Variants in DACH2 observed in about 807,000 individuals in gnomAD.
DACH2 encodes the protein dachshund family transcription factor 2.
DACH2 carries 17 observed loss-of-function variants against 35.8 expected under a neutral mutation model. The observed-to-expected ratio is 0.48, with a 90% confidence interval of 0.33 to 0.71. The LOEUF (loss-of-function observed/expected upper bound fraction) is 0.71. Ranked by LOEUF, DACH2 falls within the 30% of genes least tolerant of loss-of-function variation. The probability of loss-of-function intolerance (pLI) is 0.02; values close to 1 mark genes in which losing one functional copy is unlikely to be tolerated. For missense variants in DACH2, 469 were observed against 472.7 expected (o/e 0.99, Z 0.07); for synonymous variants, 195 against 177.3 (o/e 1.10, Z -0.79).
At chrX:86,318,202 G>A (rs958712471) in intron 1 of DACH2, among the ~76,000 whole-genome samples, 13 of 111,764 alleles carry the variant, frequency 1.2e-4, no homozygotes, top group African/African-American at 3.9e-4. Flanking sequence ...GCTGTAGTTA[G>A]CTCAAGACAG....
intron 6 of DACH2, among the ~76,000 whole-genome samples, chrX:86,730,274 G>A (rs776888276): frequency 1.7e-4 from 19 of 111,747 alleles, no homozygotes; most frequent in Admixed American, 3.8e-4. Flanking sequence ...CTTATTTCTA[G>A]CATTTAGCAT....
intron 2 of DACH2, among the ~76,000 whole-genome samples, chrX:86,396,769 C>G (rs2036303092): frequency 9.0e-6 from 1 of 111,205 alleles, no homozygotes. Flanking sequence ...GGTACCAGTA[C>G]CATACTGTTT....
At chrX:86,761,993 G>A (rs1456089434) in intron 7 of DACH2, among the ~76,000 whole-genome samples, 1 of 110,510 alleles carries the variant, frequency 9.0e-6, no homozygotes, top group Non-Finnish European at 1.9e-5. Flanking sequence ...TGCACGGTCT[G>A]GTCTATTCGA....
chrX:86,238,061 A>G (rs2033092117), intron 1 of DACH2, among the ~76,000 whole-genome samples: 1 of 112,082 alleles, frequency 8.9e-6, no homozygotes, highest in Non-Finnish European at 1.9e-5. Flanking sequence ...GCAGGTCCCA[A>G]GTTCTTGTCC....
intron 7 of DACH2, among the ~76,000 whole-genome samples, chrX:86,741,240 T>A (rs1232067433): frequency 1.8e-5 from 2 of 111,419 alleles, no homozygotes; most frequent in Non-Finnish European, 3.8e-5. Context: ...GACTATCTCT[T>A]GGGGAAATTA....
At chrX:86,683,545 T>A (rs957636612) in intron 4 of DACH2, among the ~76,000 whole-genome samples, 2 of 111,740 alleles carry the variant, frequency 1.8e-5, no homozygotes, top group Non-Finnish European at 3.8e-5. Flanking sequence ...GCCATGAAAA[T>A]TAATGTGGTT....
chrX:86,778,720 C>T (rs1263425696), intron 7 of DACH2, among the ~76,000 whole-genome samples: 1 of 110,942 alleles, frequency 9.0e-6, no homozygotes, highest in Non-Finnish European at 1.9e-5. Context: ...AAGCGGTTCT[C>T]CTGCCTCAGG....
Position 86,514,382 on chromosome X carries a change from A to G in DACH2, c.631A>G (p.Thr211Ala). The change falls in exon 3 of 12, where the codon ACT becomes GCT. Residue 211 changes from threonine to alanine, a missense_variant. Physicochemically the swap from Thr to Ala is moderately conservative, Grantham distance 58 (BLOSUM62 0). Transcript: ENST00000373125. ...VPGLLSPGLI[T>A]PTGITAAAMA... is the part of the protein sequence containing the mutation. ...AGGCCTCTTATCGCCAGGACTTATC[A>G]CTCCGACAGGTAATAAAATCCATCT... 1 of 1,206,097 alleles carries G rather than the reference A, an allele frequency of 8.3e-7. No individual in the cohort carries two copies. Among genetic ancestry groups the G allele is most frequent in the South Asian group, 1.8e-5 (1 of 55,969 alleles).
chrX:86,337,014 A>G (rs2035324126), intron 1 of DACH2, among the ~76,000 whole-genome samples: 1 of 109,477 alleles, frequency 9.1e-6, no homozygotes, highest in African/African-American at 3.3e-5. Context: ...AAGTGAGAAG[A>G]CAAGATTAGA....
At chrX:86,267,250 C>A (rs947005928) in intron 1 of DACH2, among the ~76,000 whole-genome samples, 4 of 107,246 alleles carry the variant, frequency 3.7e-5, no homozygotes, top group South Asian at 7.4e-4. Context: ...GTGAGCATAA[C>A]CTTATTTATT....
intron 2 of DACH2, 64 bp from the exon 3 acceptor site, chrX:86,514,215 G>A: frequency 2.0e-6 from 2 of 986,585 alleles, no homozygotes; most frequent in Non-Finnish European, 2.8e-6. Flanking sequence ...AATATTGCAA[G>A]TGATGGTTTT....
chrX:86,190,831 C>G (rs889790156), intron 1 of DACH2, among the ~76,000 whole-genome samples: 20 of 111,257 alleles, frequency 1.8e-4, no homozygotes, highest in Non-Finnish European at 3.6e-4. Flanking sequence ...GTAATCCCAG[C>G]TACTCGGGAA....
intron 6 of DACH2, among the ~76,000 whole-genome samples, chrX:86,736,136 A>G (rs765871024): frequency 9.0e-6 from 1 of 111,298 alleles, no homozygotes; most frequent in Non-Finnish European, 1.9e-5. Context: ...GAGAACTTAA[A>G]CATTCCACTT....
At chrX:86,504,512 ATTTT>A (rs1384543269) in intron 2 of DACH2, among the ~76,000 whole-genome samples, 1 of 101,027 alleles carries the variant, frequency 9.9e-6, no homozygotes, top group African/African-American at 4.1e-5. Context: ...TTATTTATTT[ATTTT>A]AAAATTTCCG....
At chrX:86,216,495 T>G (rs1291860383) in intron 1 of DACH2, among the ~76,000 whole-genome samples, 1 of 110,999 alleles carries the variant, frequency 9.0e-6, no homozygotes, top group East Asian at 2.8e-4. Context: ...TTGCTTAGAA[T>G]GATGGTTTCC....
chrX:86,761,722 G>A (rs747958054), intron 7 of DACH2, among the ~76,000 whole-genome samples: 1 of 111,586 alleles, frequency 9.0e-6, no homozygotes, highest in African/African-American at 3.3e-5. Context: ...GTGGCTTGGG[G>A]TGTGGTTGTT....
intron 1 of DACH2, among the ~76,000 whole-genome samples, chrX:86,368,769 C>T (rs1026078528): frequency 3.3e-4 from 36 of 109,945 alleles, no homozygotes; most frequent in African/African-American, 1.2e-3. Flanking sequence ...GCGCTAGTTG[C>T]CAAGGCTGGT....
chrX:86,771,098 C>T (rs1355973763), intron 7 of DACH2, among the ~76,000 whole-genome samples: 4 of 112,934 alleles, frequency 3.5e-5, no homozygotes, highest in Non-Finnish European at 5.6e-5. Flanking sequence ...TGCTTAAAAG[C>T]GAGGCTTGTG....
intron 2 of DACH2, among the ~76,000 whole-genome samples, chrX:86,449,281 TTG>T (rs1272008494): frequency 1.2e-5 from 1 of 81,458 alleles, no homozygotes; most frequent in African/African-American, 4.6e-5. Flanking sequence ...GAAGGGTTTT[TTG>T]TGTCTCTATT....
Sources: allele counts gnomAD v4.1 joint callset (sites outside exome capture counted in the v4.1 genomes callset), GRCh38; gene constraint gnomAD v4.1.1; transcripts MANE v1.5; gene names NCBI Gene and HGNC (gene_info 2026-07-23, HGNC 2026-07-21).